SPPL3: variants seen among roughly 807,000 people sequenced by gnomAD.
SPPL3 encodes signal peptide peptidase like 3.
A neutral mutation model predicts 42.4 loss-of-function variants in SPPL3; 5 were observed. The ratio of observed to expected loss-of-function variants is 0.12; its 90% CI spans 0.06 to 0.25. The LOEUF is 0.25. Among genes scored for constraint, SPPL3 ranks in the 10% least tolerant of loss-of-function variants. SPPL3 has a pLI of 1.00. For synonymous variants in SPPL3, 195 were observed against 181.8 expected (o/e 1.07, Z -0.58); for missense variants, 235 against 489.0 (o/e 0.48, Z 4.90).
In SPPL3 at chr12:120,853,991, C is replaced by T. The variant is rs963357439; in HGVS notation, c.24-43105G>A. Among the ~76,000 whole-genome samples, 24 of 104,292 alleles carry T rather than the reference C, an allele frequency of 2.3e-4. No individual in the cohort carries two copies. The South Asian group carries it at 6.8e-3, about 30-fold the overall frequency. 68.4% of individuals were successfully genotyped at this position (104,292 alleles called of 152,430 possible). ...CCACACACACGCACACATACACACA[C>T]ACACACACACACACACACACACACA... On this transcript the variant is annotated intron_variant, in intron 1 of 10. Coordinates refer to ENST00000353487, the MANE Select transcript of SPPL3 (RefSeq NM_139015.5).
Position 120,903,930 on chromosome 12 carries a change from C to T in SPPL3, c.-63G>A, listed in dbSNP as rs1326552602. Reference sequence around the variant, plus strand: ...CGGGCCCGGCGGCGGCGGGCTCGCTCGGGCCGTAGCTGAAGGCGCGGCCGG... The same window carrying T: ...CGGGCCCGGCGGCGGCGGGCTCGCTTGGGCCGTAGCTGAAGGCGCGGCCGG... On this transcript the variant is annotated 5_prime_UTR_variant, in exon 1 of 11. Transcript: ENST00000353487. 10 of 1,281,694 alleles carry T rather than the reference C, an allele frequency of 7.8e-6. No homozygotes were observed. The East Asian group carries it at 1.9e-4, about 25-fold the overall frequency. The allele number at this position is 1,281,694 out of a possible 1,614,324, so 79.4% of individuals were successfully genotyped here. A position where few individuals can be genotyped will look rare whatever the true frequency, so the allele number is the denominator to read the frequency against.
In SPPL3 at chr12:120,903,906, G is replaced by C; in HGVS notation, c.-39C>G. The C allele has an allele frequency of 7.5e-7, 1 of 1,341,428 alleles. No individual in the cohort carries two copies. The highest frequency in any genetic ancestry group is 9.5e-7 in the Non-Finnish European group (1 of 1,048,182). 83.1% of individuals were successfully genotyped at this position (1,341,428 alleles called of 1,614,324 possible). A position where few individuals can be genotyped will look rare whatever the true frequency, so the allele number is the denominator to read the frequency against. ...GTGGGCTCCGCTGCAGGCTGTGGCC[G>C]GGCCCGGCGGCGGCGGGCTCGCTCG... On this transcript the variant is annotated 5_prime_UTR_variant, in exon 1 of 11. Transcript: ENST00000353487.
rs5801407 is a variant in SPPL3, at chr12:120,891,736, TA to T, written c.23+12108del. ...TTCCCTAAGACTGTTTTGCAAATTCTAAAAAAAAAAAAAAAAAAAAGCAGCT... is the reference window on the plus strand; with the variant it reads ...TTCCCTAAGACTGTTTTGCAAATTCTAAAAAAAAAAAAAAAAAAAGCAGCT... On this transcript the variant is annotated intron_variant, in intron 1 of 10. Coordinates refer to ENST00000353487, the MANE Select transcript of SPPL3 (RefSeq NM_139015.5). Among the ~76,000 whole-genome samples the T allele has an allele frequency of 1.1e-3, 152 of 134,632 alleles. 1 individual carries two copies. Among genetic ancestry groups the T allele is most frequent in the South Asian group, 3.5e-3 (15 of 4,264 alleles). 88.3% of individuals were successfully genotyped at this position (134,632 alleles called of 152,430 possible).
chr12:120,818,164 AG>A (rs1870942505), intron 1 of SPPL3, among the ~76,000 whole-genome samples: 1 of 152,210 alleles, frequency 6.6e-6, no homozygotes, highest in South Asian at 2.1e-4. Flanking sequence ...CATGAAAGAC[AG>A]GAACTACTCT....
intron 1 of SPPL3, among the ~76,000 whole-genome samples, chr12:120,856,720 T>C (rs1321208412): frequency 6.6e-6 from 1 of 151,794 alleles, no homozygotes; most frequent in African/African-American, 2.4e-5. Flanking sequence ...TCAGGTAGCC[T>C]CACAAAACCC....
intron 1 of SPPL3, among the ~76,000 whole-genome samples, chr12:120,876,719 T>A (rs1354643520): frequency 6.7e-6 from 1 of 150,320 alleles, no homozygotes; most frequent in Non-Finnish European, 1.5e-5. Flanking sequence ...AAAAAGTGCT[T>A]AGAGGGAAAC....
Position 120,791,564 on chromosome 12 carries a change from A to G in SPPL3, c.102-7T>C. ...AAAGTCCATATTAAGGGACCTGTGG[A>G]AAAAAATTTTGTAGTTAAGTTGTAG... On this transcript the variant is annotated splice_region_variant and splice_polypyrimidine_tract_variant and intron_variant, in intron 2 of 10. Coordinates refer to ENST00000353487, the MANE Select transcript of SPPL3 (RefSeq NM_139015.5). The G allele has an allele frequency of 6.3e-7, 1 of 1,585,434 alleles. No individual in the cohort carries two copies. Among genetic ancestry groups the G allele is most frequent in the Non-Finnish European group, 8.5e-7 (1 of 1,170,534 alleles).
At position 120,876,616 on chromosome 12, in the gene SPPL3, C is replaced by CAAAAAAAAAAA. The variant is rs71076676; in HGVS notation, c.23+27218_23+27228dup. 6.1e-4 allele frequency among the ~76,000 whole-genome samples: 31 copies of CAAAAAAAAAAA among 51,154 alleles called. 1 individual carries two copies. The highest frequency in any genetic ancestry group is 1.4e-3 in the East Asian group (2 of 1,454). The allele number at this position is 51,154 out of a possible 152,430, so 33.6% of individuals were successfully genotyped here. A position where few individuals can be genotyped will look rare whatever the true frequency, so the allele number is the denominator to read the frequency against. On this transcript the variant is annotated intron_variant, in intron 1 of 10. Transcript: ENST00000353487. Reference sequence around the variant, plus strand: ...TGTGTGACAGAGCGAGACTCTGTCTCAAAAAAAAAAAAAAAAAAAAGAAGA... The same window carrying CAAAAAAAAAAA: ...TGTGTGACAGAGCGAGACTCTGTCTCAAAAAAAAAAAAAAAAAAAAAAAAAAAAAAAGAAGA...
Position 120,904,061 on chromosome 12 carries a change from T to C in SPPL3, c.-194A>G, listed in dbSNP as rs2137076633. 1 of 346,364 alleles carries C rather than the reference T, an allele frequency of 2.9e-6. No individual in the cohort carries two copies. Among genetic ancestry groups the C allele is most frequent in the Non-Finnish European group, 5.0e-6 (1 of 198,798 alleles). The allele number at this position is 346,364 out of a possible 1,614,324, so 21.5% of individuals were successfully genotyped here. A position where few individuals can be genotyped will look rare whatever the true frequency, so the allele number is the denominator to read the frequency against. On this transcript the variant is annotated 5_prime_UTR_variant, in exon 1 of 11. Coordinates refer to ENST00000353487, the MANE Select transcript of SPPL3 (RefSeq NM_139015.5). ...CGGGCTCCGAAGCGGCCCCGCTCCC[T>C]GGGCCCCGGGGCGGGGCGGGCTCCG... is the stretch of plus-strand genomic sequence containing the variant.
At chr12:120,768,521 G>C (rs1400204556) in intron 7 of SPPL3, 33 bp from the exon 8 acceptor site, 8 of 1,587,232 alleles carry the variant, frequency 5.0e-6, no homozygotes, top group African/African-American at 1.3e-5. Flanking sequence ...TTAACAGAGG[G>C]AGTTGGAAGC....
At position 120,901,188 on chromosome 12, in the gene SPPL3, A is replaced by C. The variant is rs150186487; in HGVS notation, c.23+2657T>G. 4.3e-3 allele frequency among the ~76,000 whole-genome samples: 655 copies of C among 152,280 alleles called. 5 individuals carry two copies. The highest frequency in any genetic ancestry group is 0.015 in the African/African-American group (621 of 41,558). ...GTTTCTTCCTCTGTGAAACAGGGAA[A>C]TATCACCTACCTCAGAAACTTGTGA... is the stretch of plus-strand genomic sequence containing the variant. On this transcript the variant is annotated intron_variant, in intron 1 of 10. Transcript: ENST00000353487.
intron 1 of SPPL3, among the ~76,000 whole-genome samples, chr12:120,842,570 G>A (rs1241314858): frequency 1.3e-5 from 2 of 151,994 alleles, no homozygotes; most frequent in South Asian, 2.1e-4. Flanking sequence ...TAGAGACAGG[G>A]AAGTCCAAGA....
At chr12:120,887,677 T>C (rs1255641078) in intron 1 of SPPL3, among the ~76,000 whole-genome samples, 1 of 152,258 alleles carries the variant, frequency 6.6e-6, no homozygotes, top group Non-Finnish European at 1.5e-5. Context: ...ACAAGATTTT[T>C]AGTTGACTAA....
intron 2 of SPPL3, among the ~76,000 whole-genome samples, chr12:120,794,149 C>T (rs1870019068): frequency 6.6e-6 from 1 of 152,162 alleles, no homozygotes; most frequent in Non-Finnish European, 1.5e-5. Flanking sequence ...ACAAAATAAC[C>T]TTCTTGTCTG....
intron 1 of SPPL3, among the ~76,000 whole-genome samples, chr12:120,856,179 T>C (rs1422956262): frequency 6.6e-6 from 1 of 152,088 alleles, no homozygotes; most frequent in Non-Finnish European, 1.5e-5. Flanking sequence ...GCTACCTTGC[T>C]GGACAGCACA....
intron 1 of SPPL3, among the ~76,000 whole-genome samples, chr12:120,831,291 T>A (rs1348242631): frequency 6.6e-6 from 1 of 152,126 alleles, no homozygotes; most frequent in Non-Finnish European, 1.5e-5. Flanking sequence ...CCGAGCCAAT[T>A]CCTATATAAA....
chr12:120,877,792 AAGAAAG>A (rs1566067583), intron 1 of SPPL3, among the ~76,000 whole-genome samples: 1 of 133,536 alleles, frequency 7.5e-6, no homozygotes, highest in African/African-American at 3.2e-5. Context: ...AAAAAAAAAA[AAGAAAG>A]AAAGAAAGAA....
At chr12:120,884,667 T>C (rs985264608) in intron 1 of SPPL3, among the ~76,000 whole-genome samples, 24 of 151,924 alleles carry the variant, frequency 1.6e-4, no homozygotes, top group Admixed American at 2.0e-4. Context: ...AGTTTTTCTA[T>C]TCTTTTTGTG....
intron 1 of SPPL3, among the ~76,000 whole-genome samples, chr12:120,901,359 G>A (rs1268488624): frequency 1.3e-5 from 2 of 152,012 alleles, no homozygotes; most frequent in Non-Finnish European, 1.5e-5. Flanking sequence ...TTGGGAAGCC[G>A]AGGTGGGCAG....
Sources: gnomAD v4.1 joint callset for allele counts (sites outside exome capture counted in the v4.1 genomes callset) on GRCh38, gnomAD v4.1.1 for gene constraint, MANE v1.5 for transcripts, NCBI Gene and HGNC (gene_info 2026-07-23, HGNC 2026-07-21) for gene names.